The following FHL2 variants were observed in gnomAD, a reference collection of about 807,000 sequenced individuals.
FHL2 encodes four and a half LIM domains protein 2.
In FHL2, 20 loss-of-function variants were observed where a neutral mutation model predicts 32.7. That is an observed-to-expected ratio of 0.61 (90% CI 0.43 to 0.89). FHL2 has a LOEUF of 0.89. Ranked by LOEUF, FHL2 falls within the 40% of genes least tolerant of loss-of-function variation. The probability of loss-of-function intolerance (pLI) is 0.00; values close to 1 mark genes in which losing one functional copy is unlikely to be tolerated. For missense variants in FHL2, 311 were observed against 358.6 expected, an observed-to-expected ratio of 0.87 and a Z score of 1.07; for synonymous variants, 123 against 128.1, an observed-to-expected ratio of 0.96 and a Z score of 0.27.
rs186441764 is a variant in FHL2 at position 105,437,071 on chromosome 2, C to A, written c.-25+1328G>T. 2.7e-3 allele frequency among the ~76,000 whole-genome samples: 413 copies of A among 152,260 alleles called. 2 individuals are homozygous for A. Among genetic ancestry groups the A allele is most frequent in the Non-Finnish European group, 4.4e-3 (298 of 68,014 alleles). On this transcript the variant is annotated intron_variant, in intron 1 of 5. Coordinates refer to the FHL2 transcript ENST00000393352. ...AGAACTCTGGAAGCCCTGAATAGAA[C>A]AATGAAACCTAAAAGTACGAAACCT...
At chr2:105,412,222 C>A (rs1048136977) in intron 1 of FHL2, among the ~76,000 whole-genome samples, 1 of 152,236 alleles carries the variant, frequency 6.6e-6, no homozygotes. Flanking sequence ...ACATGTAGTA[C>A]ATCCATACAA....
At position 105,361,274 on chromosome 2, in the gene FHL2, G is replaced by A. The variant is rs1257674816; in HGVS notation, c.*9C>T. ...TGAGATCACAAGCAGCAACTTCTCT[G>A]TGTTGAATTCAGATGTCTTTCCCAC... On this transcript the variant is annotated 3_prime_UTR_variant, in exon 7 of 7. Transcript: ENST00000530340. The A allele has an allele frequency of 1.2e-6, 2 of 1,608,996 alleles. No homozygotes were observed. Among genetic ancestry groups the A allele is most frequent in the Middle Eastern group, 1.7e-4 (1 of 6,036 alleles).
rs1682323659 is a variant in FHL2, at chr2:105,386,450, C to T, written c.67G>A (p.Glu23Lys). The change falls in exon 3 of 7, where the codon GAG becomes AAG. Residue 23 changes from glutamate to lysine, a missense_variant. Transcript: ENST00000530340. Reference protein sequence around the residue: ...SLFGKKYILREESPYCVVCFE... With the variant: ...SLFGKKYILRKESPYCVVCFE... ...CACACCACGCAGTAGGGGCTCTCCT[C>T]CCGCAGGATGTACTTCTTGCCAAAG... 1 of 1,614,236 alleles carries T rather than the reference C, an allele frequency of 6.2e-7. No homozygotes were observed. Among genetic ancestry groups the T allele is most frequent in the South Asian group, 1.1e-5 (1 of 91,082 alleles).
At chr2:105,378,027 G>C in intron 3 of FHL2, 1 of 467,968 alleles carries the variant, frequency 2.1e-6, no homozygotes, top group Admixed American at 2.4e-5. Context: ...AAATCTCCAA[G>C]GTCAACAGGA....
At chr2:105,393,911 C>G (rs1341179607) in intron 2 of FHL2, among the ~76,000 whole-genome samples, 1 of 152,172 alleles carries the variant, frequency 6.6e-6, no homozygotes, top group African/African-American at 2.4e-5. Context: ...GCTGCACAGT[C>G]CAGGATGCAG....
At chr2:105,396,579 G>A in intron 2 of FHL2, 68 bp downstream of exon 2, 1 of 1,404,078 alleles carries the variant, frequency 7.1e-7, no homozygotes, top group African/African-American at 1.4e-5. Context: ...ACACATGAAA[G>A]TAACCATCAC....
At chr2:105,395,473 C>T (rs1683058070) in intron 2 of FHL2, among the ~76,000 whole-genome samples, 1 of 152,208 alleles carries the variant, frequency 6.6e-6, no homozygotes, top group African/African-American at 2.4e-5. Context: ...CTATGACCCC[C>T]ACCCCCATGC....
intron 4 of FHL2, among the ~76,000 whole-genome samples, chr2:105,368,769 G>A (rs1009103743): frequency 5.3e-5 from 8 of 152,124 alleles, no homozygotes; most frequent in Non-Finnish European, 7.3e-5. Flanking sequence ...CCAGATAGGC[G>A]TATAAACAAG....
intron 1 of FHL2, among the ~76,000 whole-genome samples, chr2:105,406,032 A>G (rs1683621479): frequency 6.6e-6 from 1 of 152,226 alleles, no homozygotes; most frequent in Admixed American, 6.5e-5. Context: ...ATGAAAACCT[A>G]TGCTTTAAGT....
intron 4 of FHL2, 93 bp downstream of exon 4, chr2:105,373,466 T>C (rs1681237904): frequency 7.1e-7 from 1 of 1,403,712 alleles, no homozygotes; most frequent in East Asian, 2.3e-5. Context: ...CACGAGTGTC[T>C]GGAACCAAGT....
downstream of FHL2, chr2:105,359,342 G>A (rs765974276): frequency 6.6e-6 from 1 of 152,128 alleles, no homozygotes; most frequent in Non-Finnish European, 1.5e-5. Flanking sequence ...AACTAACAAA[G>A]GATGAAATTA....
chr2:105,397,591 C>T (rs1190261478), intron 1 of FHL2, among the ~76,000 whole-genome samples: 1 of 152,168 alleles, frequency 6.6e-6, no homozygotes, highest in African/African-American at 2.4e-5. Flanking sequence ...AACCTATGTG[C>T]CCAGAACAGT....
intron 1 of FHL2, among the ~76,000 whole-genome samples, chr2:105,425,904 T>A (rs1684251110): frequency 6.6e-6 from 1 of 152,158 alleles, no homozygotes; most frequent in South Asian, 2.1e-4. Context: ...CAGAGGCCGG[T>A]GCCGGTGCAG....
intron 3 of FHL2, among the ~76,000 whole-genome samples, chr2:105,385,555 T>C (rs10208866): frequency 0.07 from 10,723 of 152,228 alleles, 1,226 homozygotes; most frequent in African/African-American, 0.24. Context: ...GCCAAAGGAA[T>C]CCCATTTTGT....
chr2:105,431,120 T>G (rs1168088555), intron 1 of FHL2, among the ~76,000 whole-genome samples: 2 of 152,164 alleles, frequency 1.3e-5, no homozygotes, highest in African/African-American at 4.8e-5. Context: ...ACATTTCCCC[T>G]CTACAATATG....
At chr2:105,378,509 T>A in intron 3 of FHL2, 1 of 194,472 alleles carries the variant, frequency 5.1e-6, no homozygotes, top group East Asian at 1.5e-4. Context: ...CACCTGAAAG[T>A]GCTCCCCATC....
chr2:105,423,653 G>A (rs147443843), intron 1 of FHL2, among the ~76,000 whole-genome samples: 84 of 152,240 alleles, frequency 5.5e-4, no homozygotes, highest in African/African-American at 1.8e-3. Context: ...AACAAAAACA[G>A]CATGGTACTG....
intron 1 of FHL2, among the ~76,000 whole-genome samples, chr2:105,412,431 C>T (rs77771135): frequency 0.023 from 3,432 of 152,230 alleles, 118 homozygotes; most frequent in African/African-American, 0.075. Context: ...TCAATTTTGA[C>T]TTATTGAAAC....
intron 2 of FHL2, among the ~76,000 whole-genome samples, chr2:105,393,850 G>A (rs929722027): frequency 4.6e-5 from 7 of 152,202 alleles, no homozygotes; most frequent in African/African-American, 1.4e-4. Flanking sequence ...CTTCCGCAGC[G>A]GATATAACTC....
Sources: gnomAD v4.1 joint callset for allele counts (sites outside exome capture counted in the v4.1 genomes callset) on GRCh38, gnomAD v4.1.1 for gene constraint, MANE v1.5 for transcripts, NCBI Gene and HGNC (gene_info 2026-07-23, HGNC 2026-07-21) for gene names.